The following PCDH11X variants were observed in gnomAD, a reference collection of about 807,000 sequenced individuals.
PCDH11X encodes protocadherin-11 X-linked.
PCDH11X carries 18 observed loss-of-function variants against 53.3 expected under a neutral mutation model. The ratio of observed to expected loss-of-function variants is 0.34; its 90% confidence interval spans 0.23 to 0.50. PCDH11X has a LOEUF of 0.50. Among genes scored for constraint, PCDH11X ranks in the 20% least tolerant of loss-of-function variants. PCDH11X has a pLI of 0.98. For missense variants in PCDH11X, 570 were observed against 1,032.4 expected (o/e 0.55, Z 6.14); for synonymous variants, 279 against 393.3 (o/e 0.71, Z 3.44).
Position 91,877,813 on chromosome X carries a change from G to T in PCDH11X, c.1573G>T (p.Val525Leu). The T allele has an allele frequency of 8.3e-7, 1 of 1,211,608 alleles. No individual in the cohort carries two copies. The highest frequency in any genetic ancestry group is 1.1e-6 in the Non-Finnish European group (1 of 895,431). Reference sequence around the variant, plus strand: ...TTGTCGTACAGGCATGCTGACTGTAGTGAAGAAACTAGATAGAGAAAAAGA... The same window carrying T: ...TTGTCGTACAGGCATGCTGACTGTATTGAAGAAACTAGATAGAGAAAAAGA... ...LDCRTGMLTV[V>L]KKLDREKEDK... is the part of the protein sequence containing the mutation. The change falls in exon 6 of 11, where the codon GTG becomes TTG. Residue 525 changes from valine (V) to leucine (L), a missense_variant. Around this residue, in one of 6 missense-constraint regions of PCDH11X, gnomAD observed 226 missense variants for 457.5 expected, o/e 0.49. Coordinates refer to ENST00000682573, the MANE Select transcript of PCDH11X (RefSeq NM_032968.5).
chrX:92,457,894 A>G (rs781338624), intron 9 of PCDH11X, among the ~76,000 whole-genome samples: 1,912 of 106,635 alleles, frequency 0.018, 47 homozygotes, highest in African/African-American at 0.062. Flanking sequence ...AAACATGTAA[A>G]CATCTGCCTA....
intron 6 of PCDH11X, among the ~76,000 whole-genome samples, chrX:92,130,862 T>C (rs1190818277): frequency 9.0e-6 from 1 of 110,552 alleles, no homozygotes; most frequent in African/African-American, 3.3e-5. Flanking sequence ...GACATTCTTT[T>C]TATGGTACAG....
At chrX:92,298,958 A>G (rs35799183) in intron 8 of PCDH11X, among the ~76,000 whole-genome samples, 22 of 111,712 alleles carry the variant, frequency 2.0e-4, no homozygotes, top group African/African-American at 6.8e-4. Flanking sequence ...CTTTTAATCT[A>G]TAACTAAGAT....
intron 10 of PCDH11X, among the ~76,000 whole-genome samples, chrX:92,498,360 C>T: frequency 9.1e-6 from 1 of 110,417 alleles, no homozygotes; most frequent in Admixed American, 9.7e-5. Context: ...CACATGGTAT[C>T]ACATATGTTA....
chrX:92,288,025 A>G (rs1409079955), intron 8 of PCDH11X: 1 of 513,074 alleles, frequency 1.9e-6, no homozygotes, highest in East Asian at 3.6e-5. Flanking sequence ...AGGCTTCCCT[A>G]GAAGCATAAA....
intron 7 of PCDH11X, among the ~76,000 whole-genome samples, chrX:92,250,859 G>T (rs139753458): frequency 0.015 from 1,636 of 109,170 alleles, 32 homozygotes; most frequent in African/African-American, 0.051. Context: ...AATATAAGAG[G>T]TGATAGATCA....
At chrX:91,839,384 C>T (rs1209004210) in intron 5 of PCDH11X, among the ~76,000 whole-genome samples, 2 of 104,914 alleles carry the variant, frequency 1.9e-5, no homozygotes, top group Admixed American at 1.1e-4. Context: ...GAGGCTGAGG[C>T]GGGTGGATTA....
intron 6 of PCDH11X, among the ~76,000 whole-genome samples, chrX:91,949,692 A>T (rs1290139279): frequency 9.0e-6 from 1 of 110,754 alleles, no homozygotes; most frequent in African/African-American, 3.3e-5. Context: ...TTCCAGACAT[A>T]TTTGATGGTT....
intron 10 of PCDH11X, among the ~76,000 whole-genome samples, chrX:92,559,512 C>T (rs1259743428): frequency 9.0e-6 from 1 of 110,545 alleles, no homozygotes; most frequent in East Asian, 2.8e-4. Flanking sequence ...AATCATAGTA[C>T]ATGGTTTTAA....
At chrX:91,953,768 G>A (rs2061673022) in intron 6 of PCDH11X, among the ~76,000 whole-genome samples, 1 of 109,542 alleles carries the variant, frequency 9.1e-6, no homozygotes, top group South Asian at 3.9e-4. Flanking sequence ...TTACTTTGCT[G>A]TTATTTAGAA....
At chrX:92,494,462 A>T (rs1025793399) in intron 10 of PCDH11X, among the ~76,000 whole-genome samples, 1 of 108,694 alleles carries the variant, frequency 9.2e-6, no homozygotes, top group African/African-American at 3.4e-5. Flanking sequence ...ATGAAAAATG[A>T]AGTGTATGTC....
At chrX:91,938,630 T>C (rs1457966797) in intron 6 of PCDH11X, among the ~76,000 whole-genome samples, 1 of 111,142 alleles carries the variant, frequency 9.0e-6, no homozygotes, top group Non-Finnish European at 1.9e-5. Flanking sequence ...GAGGGAAGCA[T>C]CTGAAGTCAC....
At chrX:92,383,016 G>A (rs895599141) in intron 8 of PCDH11X, among the ~76,000 whole-genome samples, 1 of 110,460 alleles carries the variant, frequency 9.1e-6, no homozygotes, top group African/African-American at 3.3e-5. Flanking sequence ...TGATGAAGAA[G>A]TTCAAGCAAA....
At chrX:91,847,521 A>G (rs1423846728) in intron 5 of PCDH11X, among the ~76,000 whole-genome samples, 1 of 110,981 alleles carries the variant, frequency 9.0e-6, no homozygotes, top group Admixed American at 9.6e-5. Context: ...TTCTACAGTA[A>G]TTCCTTCTTT....
At chrX:92,493,314 G>A (rs1257233214) in intron 10 of PCDH11X, among the ~76,000 whole-genome samples, 1 of 110,869 alleles carries the variant, frequency 9.0e-6, no homozygotes, top group African/African-American at 3.3e-5. Context: ...TGTACATTGT[G>A]TCTATAGTCA....
chrX:92,423,359 G>A lies in PCDH11X; in HGVS notation c.3343+35426G>A, dbSNP rs1162922555. ...TTGTTTTGTTTTTTTCTGTTAATTC[G>A]TTTGAGTTCCTTGTAGATTCTGGAC... On this transcript the variant is annotated intron_variant, in intron 9 of 10. Coordinates refer to ENST00000682573, the MANE Select transcript of PCDH11X (RefSeq NM_032968.5). 2.1e-5 allele frequency among the ~76,000 whole-genome samples: 2 copies of A among 96,686 alleles called. 1 individual carries two copies. The highest frequency in any genetic ancestry group is 4.6e-5 in the Non-Finnish European group (2 of 43,956). The allele number at this position is 96,686 out of a possible 115,157, so 84.0% of individuals were successfully genotyped here. A position where few individuals can be genotyped will look rare whatever the true frequency, so the allele number is the denominator to read the frequency against.
intron 7 of PCDH11X, among the ~76,000 whole-genome samples, chrX:92,202,671 G>A (rs372833506): frequency 1.8e-4 from 20 of 112,178 alleles, no homozygotes; most frequent in African/African-American, 6.1e-4. Context: ...GCTCAAAAAT[G>A]TGACCAAAAA....
At chrX:92,230,744 G>T (rs1261844217) in intron 7 of PCDH11X, among the ~76,000 whole-genome samples, 1 of 106,555 alleles carries the variant, frequency 9.4e-6, no homozygotes, top group African/African-American at 3.4e-5. Context: ...CAGATGAAAA[G>T]GGATGAAAAG....
intron 7 of PCDH11X, among the ~76,000 whole-genome samples, chrX:92,203,627 C>T (rs1421841261): frequency 8.9e-6 from 1 of 112,215 alleles, no homozygotes; most frequent in Non-Finnish European, 1.9e-5. Flanking sequence ...TTAATTCACA[C>T]AGAGCCAACT....
Sources: allele counts gnomAD v4.1 joint callset (sites outside exome capture counted in the v4.1 genomes callset), GRCh38; gene constraint gnomAD v4.1.1; regional missense constraint gnomAD v4.1.1; transcripts MANE v1.5; gene names NCBI Gene and HGNC (gene_info 2026-07-23, HGNC 2026-07-21).